Variants in PLXNC1 observed in about 807,000 individuals in gnomAD.
The protein encoded by PLXNC1 is plexin-C1.
A neutral mutation model predicts 178.2 loss-of-function variants in PLXNC1; 75 were observed. That is an observed-to-expected ratio of 0.42 (90% CI 0.35 to 0.51). The LOEUF (loss-of-function observed/expected upper bound fraction) is 0.51, where lower values mean the gene tolerates loss of function less well. Among genes scored for constraint, PLXNC1 ranks in the 20% least tolerant of loss-of-function variants. PLXNC1 has a pLI of 0.02. For missense variants in PLXNC1, 1,503 were observed against 1,984.4 expected (o/e 0.76, Z 4.61); for synonymous variants, 790 against 779.9 (o/e 1.01, Z -0.22).
In PLXNC1 at chr12:94,149,085, C is replaced by G. The variant is rs1812017063; in HGVS notation, c.114C>G (p.Pro38=). The G allele has an allele frequency of 1.3e-6, 2 of 1,574,232 alleles. No individual in the cohort carries two copies. Among genetic ancestry groups the G allele is most frequent in the Admixed American group, 1.8e-5 (1 of 56,880 alleles). Residue 38 remains proline (P), a synonymous_variant, in exon 1 of 31, where the codon CCC becomes CCG. Coordinates refer to ENST00000258526, the MANE Select transcript of PLXNC1 (RefSeq NM_005761.3). ...CTCCCGGCCGGGGCGCGGACGAGCC[C>G]GTGTGGCGGTCGGAGCAAGCCATCG... The part of the protein sequence containing the change: ...LAAPGRGADE[P]VWRSEQAIGA...
Position 94,186,405 on chromosome 12 carries a change from A to G in PLXNC1, c.1371A>G (p.Lys457=), listed in dbSNP as rs528197190. The G allele has an allele frequency of 6.2e-7, 1 of 1,613,860 alleles. No homozygotes were observed. The highest frequency in any genetic ancestry group is 2.2e-5 in the East Asian group (1 of 44,888). The change falls in exon 4 of 31, where the codon AAA becomes AAG. Residue 457 remains lysine, a synonymous_variant. Transcript: ENST00000258526. ...GAATTCGTGTTGCAAACTGCAATAA[A>G]CATAAATCCTGTTCGGAGTGTTTAA... ...VRRIRVANCN[K]HKSCSECLTA...
chr12:94,216,263 T>A (rs934871335), intron 5 of PLXNC1, among the ~76,000 whole-genome samples: 2 of 71,732 alleles, frequency 2.8e-5, no homozygotes, highest in African/African-American at 4.0e-5. Flanking sequence ...AGCAAAACTG[T>A]GTCTCAAAAA....
chr12:94,156,947 T>C (rs1163171426), intron 1 of PLXNC1, among the ~76,000 whole-genome samples: 1 of 152,160 alleles, frequency 6.6e-6, no homozygotes, highest in East Asian at 1.9e-4. Flanking sequence ...TCTCCTGAGC[T>C]AAAGCAGTCC....
At chr12:94,181,852 G>A (rs1280847576) in intron 3 of PLXNC1, among the ~76,000 whole-genome samples, 15 of 152,098 alleles carry the variant, frequency 9.9e-5, no homozygotes, top group Admixed American at 9.2e-4. Context: ...GGAAATGGGC[G>A]CATAATCAGC....
At chr12:94,264,582 T>C (rs1008969982) in intron 20 of PLXNC1, among the ~76,000 whole-genome samples, 2 of 152,220 alleles carry the variant, frequency 1.3e-5, no homozygotes, top group South Asian at 2.1e-4. Context: ...CTTCGAGAAG[T>C]GCTGTTAACA....
At chr12:94,231,184 A>T (rs914448513) in intron 9 of PLXNC1, among the ~76,000 whole-genome samples, 3 of 152,180 alleles carry the variant, frequency 2.0e-5, no homozygotes, top group African/African-American at 7.2e-5. Context: ...TCTTTGATTG[A>T]TGGATGGATT....
intron 4 of PLXNC1, among the ~76,000 whole-genome samples, chr12:94,194,655 G>A (rs1366629238): frequency 6.6e-6 from 1 of 152,226 alleles, no homozygotes; most frequent in African/African-American, 2.4e-5. Flanking sequence ...TCTGGAGGCT[G>A]AGGTGGAAGG....
intron 12 of PLXNC1, among the ~76,000 whole-genome samples, 159 bp from the exon 13 acceptor site, chr12:94,247,744 G>C (rs1344259118): frequency 2.0e-5 from 3 of 152,170 alleles, no homozygotes; most frequent in Non-Finnish European, 2.9e-5. Flanking sequence ...AATGTAGGGT[G>C]AAGTCAATCC....
intron 2 of PLXNC1, among the ~76,000 whole-genome samples, chr12:94,177,161 G>GTATATA (rs533538226): frequency 2.2e-5 from 2 of 91,298 alleles, no homozygotes; most frequent in Non-Finnish European, 4.0e-5. Flanking sequence ...ATATATATAT[G>GTATATA]TATATATATA....
intron 4 of PLXNC1, among the ~76,000 whole-genome samples, chr12:94,196,391 C>G (rs949035296): frequency 6.6e-6 from 1 of 152,054 alleles, no homozygotes; most frequent in South Asian, 2.1e-4. Context: ...GTGGCACCTG[C>G]CCCCTCACAG....
intron 2 of PLXNC1, among the ~76,000 whole-genome samples, chr12:94,175,304 G>A (rs1446914394): frequency 6.6e-6 from 1 of 152,166 alleles, no homozygotes. Flanking sequence ...GCCCCACAGA[G>A]TGAGGCATAG....
chr12:94,199,891 A>G (rs897337299), intron 4 of PLXNC1, among the ~76,000 whole-genome samples: 6 of 152,116 alleles, frequency 3.9e-5, no homozygotes, highest in Non-Finnish European at 7.4e-5. Context: ...CCCAGGTCCA[A>G]ATGATTCTTC....
chr12:94,250,585 G>A (rs547187072), intron 14 of PLXNC1, among the ~76,000 whole-genome samples: 2 of 152,238 alleles, frequency 1.3e-5, no homozygotes, highest in East Asian at 1.9e-4. Context: ...GTACATCAGT[G>A]AAATAATTAA....
intron 9 of PLXNC1, among the ~76,000 whole-genome samples, chr12:94,234,810 A>C (rs1964197695): frequency 6.6e-6 from 1 of 152,242 alleles, no homozygotes; most frequent in Non-Finnish European, 1.5e-5. Flanking sequence ...TTAACTCTTG[A>C]TGAAAATACA....
intron 2 of PLXNC1, among the ~76,000 whole-genome samples, chr12:94,180,815 G>A (rs970859432): frequency 1.3e-5 from 2 of 152,218 alleles, no homozygotes; most frequent in African/African-American, 4.8e-5. Flanking sequence ...TAATGAAGCT[G>A]TCACTTGTGG....
chr12:94,285,472 C>A (rs998477175), intron 23 of PLXNC1, among the ~76,000 whole-genome samples: 7 of 152,172 alleles, frequency 4.6e-5, no homozygotes, highest in Non-Finnish European at 8.8e-5. Flanking sequence ...GAGAAAGCTG[C>A]AGGCTAGCAA....
chr12:94,160,115 C>G (rs192823447), intron 1 of PLXNC1, among the ~76,000 whole-genome samples: 2 of 152,192 alleles, frequency 1.3e-5, no homozygotes, highest in East Asian at 3.9e-4. Context: ...CTCTATAAAC[C>G]TTAGAGTGTG....
chr12:94,283,315 G>C (rs74745470), intron 23 of PLXNC1, among the ~76,000 whole-genome samples: 2,053 of 152,310 alleles, frequency 0.013, 19 homozygotes, highest in Middle Eastern at 0.037. Flanking sequence ...CATCCAGCAG[G>C]GAAGGGAGAG....
In PLXNC1 at chr12:94,279,567, C is replaced by T. The variant is rs1966273666; in HGVS notation, c.3693C>T (p.Gly1231=). The part of the protein sequence containing the change: ...SVNVLDCDTI[G]QAKEKIFQAF... The stretch of plus-strand genomic sequence containing the variant: ...ATGTTCTCGACTGTGACACCATTGG[C>T]CAAGCCAAAGAAAAGATTTTCCAAG... The change falls in exon 22 of 31, where the codon GGC becomes GGT. Residue 1231 remains glycine, a synonymous_variant. Transcript: ENST00000258526. 1.2e-6 allele frequency: 2 copies of T among 1,614,090 alleles called. No individual in the cohort carries two copies. Among genetic ancestry groups the T allele is most frequent in the Non-Finnish European group, 1.7e-6 (2 of 1,179,932 alleles).
Sources: allele counts gnomAD v4.1 joint callset (sites outside exome capture counted in the v4.1 genomes callset), GRCh38; gene constraint gnomAD v4.1.1; transcripts MANE v1.5; gene names NCBI Gene and HGNC (gene_info 2026-07-23, HGNC 2026-07-21).